CTHRC1: variants seen among roughly 807,000 people sequenced by gnomAD.
CTHRC1 encodes the protein collagen triple helix repeat containing 1.
A neutral mutation model predicts 25.9 loss-of-function variants in CTHRC1; 21 were observed. The ratio of observed to expected loss-of-function variants is 0.81; its 90% CI spans 0.57 to 1.17. The LOEUF is 1.17. CTHRC1 is among the 50% of genes most tolerant of loss of function. The probability of loss-of-function intolerance (pLI) is 0.00; values close to 1 mark genes in which losing one functional copy is unlikely to be tolerated. For synonymous variants in CTHRC1, 109 were observed against 113.1 expected (o/e 0.96, Z 0.23); for missense variants, 281 against 304.3 (o/e 0.92, Z 0.57).
chr8:103,378,282 C>A, intron 3 of CTHRC1, 39 bp downstream of exon 3: 2 of 1,527,718 alleles, frequency 1.3e-6, no homozygotes, highest in Non-Finnish European at 1.8e-6. Flanking sequence ...TGCCTCAGAT[C>A]TAAGTAAGAT....
chr8:103,373,568 A>G (rs1022098918), intron 1 of CTHRC1, among the ~76,000 whole-genome samples: 10 of 151,586 alleles, frequency 6.6e-5, no homozygotes, highest in African/African-American at 1.5e-4. Context: ...AGTCTTTGAA[A>G]TGTATCTTTT....
At chr8:103,381,778 C>A (rs1448813508) in intron 3 of CTHRC1, among the ~76,000 whole-genome samples, 2 of 152,184 alleles carry the variant, frequency 1.3e-5, no homozygotes, top group East Asian at 3.9e-4. Flanking sequence ...GTGGGTAAAT[C>A]ACGAGGTCAG....
At chr8:103,379,079 C>T (rs1224182025) in intron 3 of CTHRC1, among the ~76,000 whole-genome samples, 1 of 151,978 alleles carries the variant, frequency 6.6e-6, no homozygotes, top group Non-Finnish European at 1.5e-5. Flanking sequence ...ACTGATTTTT[C>T]TGCCTTATCC....
chr8:103,382,050 A>G (rs539524790), intron 3 of CTHRC1, among the ~76,000 whole-genome samples: 3 of 152,226 alleles, frequency 2.0e-5, no homozygotes, highest in South Asian at 4.1e-4. Flanking sequence ...TTATCAGCAG[A>G]TAAGTGTCGG....
intron 3 of CTHRC1, among the ~76,000 whole-genome samples, chr8:103,378,528 G>C (rs989810429): frequency 1.3e-5 from 2 of 152,174 alleles, no homozygotes; most frequent in African/African-American, 2.4e-5. Flanking sequence ...TGTGCCCCAG[G>C]CTTGAAAATC....
intron 3 of CTHRC1, among the ~76,000 whole-genome samples, chr8:103,379,473 G>C (rs538486907): frequency 6.9e-5 from 10 of 144,372 alleles, no homozygotes; most frequent in African/African-American, 2.4e-4. Context: ...AAATAGAAGA[G>C]TTAAAAAAAA....
chr8:103,382,649 GGT>G lies in CTHRC1; in HGVS notation c.*50_*51del. ...CTCTTTTTTTATTATGCCTTGGAAT[GGT>G]TCACTTAAATGACATTTTAAATAAG... On this transcript the variant is annotated 3_prime_UTR_variant, in exon 4 of 4. Transcript: ENST00000330295. 1.3e-6 allele frequency: 2 copies of G among 1,483,654 alleles called. No homozygotes were observed. The highest frequency in any genetic ancestry group is 1.9e-6 in the Non-Finnish European group (2 of 1,061,858). 91.9% of individuals were successfully genotyped at this position (1,483,654 alleles called of 1,614,324 possible).
intron 2 of CTHRC1, 83 bp downstream of exon 2, chr8:103,376,042 T>A: frequency 1.8e-6 from 2 of 1,113,132 alleles, no homozygotes; most frequent in Non-Finnish European, 2.7e-6. Flanking sequence ...CATTTTATTT[T>A]TTTTTAACTA....
At chr8:103,374,296 A>G (rs1815764972) in intron 1 of CTHRC1, among the ~76,000 whole-genome samples, 1 of 152,260 alleles carries the variant, frequency 6.6e-6, no homozygotes, top group Non-Finnish European at 1.5e-5. Flanking sequence ...TACTGTAGTC[A>G]AAAGATAAGC....
At chr8:103,375,664 T>A in intron 1 of CTHRC1, 74 bp from the exon 2 acceptor site, 1 of 1,273,508 alleles carries the variant, frequency 7.9e-7, no homozygotes, top group Non-Finnish European at 1.1e-6. Context: ...TCAAAATAAA[T>A]GCATTTCTAA....
In CTHRC1 at chr8:103,371,594, G is replaced by T. The variant is rs1815695911; in HGVS notation, c.-63G>T. ...TCGGAGCGCGGCGGAGCCAGACGCT[G>T]ACCACGTTCCTCTCCTCGGTCTCCT... On this transcript the variant is annotated 5_prime_UTR_variant, in exon 1 of 4. An upstream open reading frame in the 5' UTR loses its in-frame stop. Coordinates refer to ENST00000330295, the MANE Select transcript of CTHRC1 (RefSeq NM_138455.4). The T allele has an allele frequency of 6.6e-7, 1 of 1,511,230 alleles. No individual in the cohort carries two copies. The highest frequency in any genetic ancestry group is 1.2e-5 in the South Asian group (1 of 80,878). 93.6% of individuals were successfully genotyped at this position (1,511,230 alleles called of 1,614,324 possible). A position where few individuals can be genotyped will look rare whatever the true frequency, so the allele number is the denominator to read the frequency against.
intron 1 of CTHRC1, chr8:103,372,715 A>G (rs1586550525): frequency 2.7e-6 from 4 of 1,481,162 alleles, no homozygotes; most frequent in Non-Finnish European, 3.7e-6. Flanking sequence ...TGGAGGGCGG[A>G]GAGGTTCTCT....
intron 3 of CTHRC1, among the ~76,000 whole-genome samples, chr8:103,382,085 G>C (rs931462334): frequency 1.3e-5 from 2 of 151,708 alleles, no homozygotes; most frequent in Non-Finnish European, 2.9e-5. Flanking sequence ...TTTTAAAAAA[G>C]ACTTGCATAT....
rs1207455378 is a variant in CTHRC1 at position 103,375,761 on chromosome 8, G to C, written c.174G>C (p.Gly58=). 15 of 1,614,030 alleles carry C rather than the reference G, an allele frequency of 9.3e-6. No individual in the cohort carries two copies. Among genetic ancestry groups the C allele is most frequent in the Non-Finnish European group, 1.2e-5 (14 of 1,179,980 alleles). Residue 58 remains glycine (G), a synonymous_variant, in exon 2 of 4, where the codon GGG becomes GGC. Transcript: ENST00000330295. ...VDLYNGMCLQ[G]PAGVPGRDGS... ...AGTATAATGGAATGTGCTTACAAGG[G>C]CCAGCAGGAGTGCCTGGTCGAGACG...
At chr8:103,382,305 A>G (rs1194753467) in intron 3 of CTHRC1, among the ~76,000 whole-genome samples, 153 bp from the exon 4 acceptor site, 1 of 152,210 alleles carries the variant, frequency 6.6e-6, no homozygotes, top group Non-Finnish European at 1.5e-5. Context: ...GAAAAAGAGG[A>G]CTTCATTATA....
rs1282183262 is a variant in CTHRC1 at position 103,371,590 on chromosome 8, C to T, written c.-67C>T. 2.0e-6 allele frequency: 3 copies of T among 1,502,586 alleles called. No individual in the cohort carries two copies. Among genetic ancestry groups the T allele is most frequent in the African/African-American group, 2.9e-5 (2 of 68,880 alleles). The allele number at this position is 1,502,586 out of a possible 1,614,324, so 93.1% of individuals were successfully genotyped here. On this transcript the variant is annotated 5_prime_UTR_variant, in exon 1 of 4. The change creates a new upstream start codon in the 5' untranslated region. Coordinates refer to ENST00000330295, the MANE Select transcript of CTHRC1 (RefSeq NM_138455.4). ...GGCCTCGGAGCGCGGCGGAGCCAGA[C>T]GCTGACCACGTTCCTCTCCTCGGTC...
At position 103,382,629 on chromosome 8, in the gene CTHRC1, T is replaced by G. The variant is rs1304662786; in HGVS notation, c.*29T>G. ...CTTTAATTTTCATTTGCTACCTCTT[T>G]TTTTATTATGCCTTGGAATGGTTCA... On this transcript the variant is annotated 3_prime_UTR_variant, in exon 4 of 4. Transcript: ENST00000330295. 1 of 1,573,334 alleles carries G rather than the reference T, an allele frequency of 6.4e-7. No homozygotes were observed. Among genetic ancestry groups the G allele is most frequent in the African/African-American group, 1.4e-5 (1 of 73,992 alleles).
intron 1 of CTHRC1, 37 bp downstream of exon 1, chr8:103,371,843 G>T: frequency 6.8e-7 from 1 of 1,474,830 alleles, no homozygotes; most frequent in Non-Finnish European, 9.0e-7. Flanking sequence ...CCGCCGCGCT[G>T]GTGGAGGGGA....
At chr8:103,374,832 TA>T (rs1815775407) in intron 1 of CTHRC1, among the ~76,000 whole-genome samples, 1 of 152,188 alleles carries the variant, frequency 6.6e-6, no homozygotes, top group African/African-American at 2.4e-5. Context: ...ATTTTACAGA[TA>T]AGGAAACAGG....
Sources: allele counts gnomAD v4.1 joint callset (sites outside exome capture counted in the v4.1 genomes callset), GRCh38; gene constraint gnomAD v4.1.1; transcripts MANE v1.5; gene names NCBI Gene and HGNC (gene_info 2026-07-23, HGNC 2026-07-21).